RPS6KA2: variants seen among roughly 807,000 people sequenced by gnomAD.
RPS6KA2 encodes the protein ribosomal protein S6 kinase A2, also known as ribosomal protein S6 kinase alpha-2.
RPS6KA2 carries 42 observed loss-of-function variants against 91.8 expected under a neutral mutation model. That is an observed-to-expected ratio of 0.46 (90% CI 0.36 to 0.59). The LOEUF is 0.59. Among genes scored for constraint, RPS6KA2 ranks in the 20% least tolerant of loss-of-function variants. RPS6KA2 has a pLI of 0.00. For synonymous variants in RPS6KA2, 414 were observed against 393.6 expected (o/e 1.05, Z -0.61); for missense variants, 798 against 978.5 (o/e 0.82, Z 2.46).
chr6:166,654,600 T>C (rs1381168307), intron 2 of RPS6KA2, among the ~76,000 whole-genome samples: 9 of 152,232 alleles, frequency 5.9e-5, no homozygotes, highest in Admixed American at 5.9e-4. Context: ...TCACAAAGTT[T>C]TTCACTTATT....
intron 1 of RPS6KA2, among the ~76,000 whole-genome samples, chr6:166,571,677 CT>C (rs5881701): frequency 0.42 from 61,797 of 147,248 alleles, 13,898 homozygotes; most frequent in African/African-American, 0.62. Flanking sequence ...AGGTGAGAGA[CT>C]TTTTTTTTTT....
At position 166,508,192 on chromosome 6, in the gene RPS6KA2, C is replaced by T. The variant is rs754081796; in HGVS notation, c.459+11G>A. Reference sequence around the variant, plus strand: ...CTGCCCGCCCTCCTGTGTGATGTGGCGGCTGCTCACCTCTTTGGAGAGCCG... The same window carrying T: ...CTGCCCGCCCTCCTGTGTGATGTGGTGGCTGCTCACCTCTTTGGAGAGCCG... On this transcript the variant is annotated intron_variant, in intron 5 of 20. Coordinates refer to ENST00000265678, the MANE Select transcript of RPS6KA2 (RefSeq NM_021135.6). The surrounding 1 kb of genome is among the most constrained non-coding windows in gnomAD (Gnocchi z 4.3). 2.3e-5 allele frequency: 37 copies of T among 1,590,814 alleles called. No homozygotes were observed. The highest frequency in any genetic ancestry group is 1.7e-4 in the Middle Eastern group (1 of 6,020).
intron 17 of RPS6KA2, among the ~76,000 whole-genome samples, chr6:166,420,775 G>A (rs796254079): frequency 2.0e-5 from 3 of 152,262 alleles, no homozygotes; most frequent in African/African-American, 7.2e-5. Context: ...TCTGGGCTAC[G>A]TGATAACATT....
Position 166,603,359 on chromosome 6 carries a change from C to G in RPS6KA2, c.99+23562G>C, listed in dbSNP as rs76633559. 0.024 allele frequency among the ~76,000 whole-genome samples: 3,592 copies of G among 152,256 alleles called. 40 individuals are homozygous for G. Among genetic ancestry groups the G allele is most frequent in the Non-Finnish European group, 0.034 (2,327 of 68,022 alleles). On this transcript the variant is annotated intron_variant, in intron 1 of 20. Transcript: ENST00000265678. This position sits in a 1 kb window ranked among gnomAD's most constrained non-coding sequence, Gnocchi z 4.3. ...TAGCATAATTAAACCAGGAACTCAG[C>G]GCAGCCTCAGAGTGCGTGGGGTGGG... is the stretch of plus-strand genomic sequence containing the variant.
chr6:166,830,222 C>A (rs752879868), intron 2 of RPS6KA2, among the ~76,000 whole-genome samples: 14 of 151,702 alleles, frequency 9.2e-5, no homozygotes, highest in African/African-American at 2.2e-4. Flanking sequence ...GAGGACATTA[C>A]GCTAAGTGAA....
Position 166,563,375 on chromosome 6 carries a change from C to G in RPS6KA2, c.100-24591G>C, listed in dbSNP as rs1784399608. 1.3e-5 allele frequency among the ~76,000 whole-genome samples: 2 copies of G among 152,214 alleles called. No homozygotes were observed. The highest frequency in any genetic ancestry group is 2.9e-5 in the Non-Finnish European group (2 of 68,032). The stretch of plus-strand genomic sequence containing the variant: ...AGCTCACCTGTTCCCGGCTTTTCCT[C>G]CCAGTCTCCTGGGCTCGCCGCCAGC... On this transcript the variant is annotated intron_variant, in intron 1 of 20. Transcript: ENST00000265678. The surrounding 1 kb of genome is among the most constrained non-coding windows in gnomAD (Gnocchi z 4.1).
chr6:166,808,638 C>T (rs1196851447), intron 2 of RPS6KA2, among the ~76,000 whole-genome samples: 14 of 152,198 alleles, frequency 9.2e-5, no homozygotes, highest in Admixed American at 8.5e-4. Context: ...AAAAGAACCA[C>T]GTGTTCAGTA....
At chr6:166,699,653 T>C (rs929103726) in intron 2 of RPS6KA2, among the ~76,000 whole-genome samples, 7 of 152,178 alleles carry the variant, frequency 4.6e-5, no homozygotes, top group African/African-American at 1.7e-4. Flanking sequence ...CCCAACACAA[T>C]TGTACATACT....
intron 2 of RPS6KA2, among the ~76,000 whole-genome samples, chr6:166,680,415 C>T (rs1788756263): frequency 1.3e-5 from 2 of 152,170 alleles, no homozygotes; most frequent in Non-Finnish European, 2.9e-5. Flanking sequence ...AAAAGCAGGC[C>T]GCCCCAGCCA....
chr6:166,641,766 T>TAAAAAAAAAAAAAAAAAAAA (rs1787445454), intron 2 of RPS6KA2, among the ~76,000 whole-genome samples: 1 of 61,520 alleles, frequency 1.6e-5, no homozygotes, highest in African/African-American at 5.6e-5. Flanking sequence ...AAAAAAAAAT[T>TAAAAAAAAAAAAAAAAAAAA]CAATAGATCA....
chr6:166,689,257 A>G (rs1448986313), intron 2 of RPS6KA2, among the ~76,000 whole-genome samples: 1 of 152,230 alleles, frequency 6.6e-6, no homozygotes, highest in Non-Finnish European at 1.5e-5. Flanking sequence ...CCAAAAACAG[A>G]ACTCGTGTCT....
chr6:166,735,886 A>G (rs1190962032), intron 2 of RPS6KA2, among the ~76,000 whole-genome samples: 1 of 152,238 alleles, frequency 6.6e-6, no homozygotes. Flanking sequence ...AAACACTACA[A>G]CAGACAGCTC....
chr6:166,783,046 AGGTATTATTATTATTATT>A (rs1400622870), intron 2 of RPS6KA2, among the ~76,000 whole-genome samples: 2,780 of 139,908 alleles, frequency 0.02, 106 homozygotes, highest in African/African-American at 0.071. Context: ...GGTATCTTTT[AGGTATTATTATTATTATT>A]ATTATTATTA....
intron 8 of RPS6KA2, among the ~76,000 whole-genome samples, chr6:166,492,951 G>T (rs889323943): frequency 3.4e-5 from 5 of 149,148 alleles, no homozygotes; most frequent in Middle Eastern, 3.4e-3. Flanking sequence ...AGGCTGAACT[G>T]GAACTCCTGA....
In RPS6KA2 at chr6:166,732,540, C is replaced by T. The variant is rs556144800; in HGVS notation, c.123+125660G>A. Among the ~76,000 whole-genome samples the T allele has an allele frequency of 4.9e-4, 75 of 152,344 alleles. No homozygotes were observed. Among genetic ancestry groups the T allele is most frequent in the African/African-American group, 1.8e-3 (74 of 41,584 alleles). Reference sequence around the variant, plus strand: ...ATCACATGGGCTTGCTATGGGAGTTCACATGATTTGAAAAACAGATGCCCA... The same window carrying T: ...ATCACATGGGCTTGCTATGGGAGTTTACATGATTTGAAAAACAGATGCCCA... On this transcript the variant is annotated intron_variant, in intron 2 of 21. Coordinates refer to the RPS6KA2 transcript ENST00000503859. The surrounding 1 kb of genome is among the most constrained non-coding windows in gnomAD (Gnocchi z 4.0).
intron 10 of RPS6KA2, among the ~76,000 whole-genome samples, chr6:166,471,533 C>T (rs532045557): frequency 6.6e-6 from 1 of 152,376 alleles, no homozygotes; most frequent in Admixed American, 6.5e-5. Context: ...GTGTTATTCA[C>T]ACTTTGACGT....
At chr6:166,773,547 G>A (rs1277161425) in intron 2 of RPS6KA2, among the ~76,000 whole-genome samples, 3 of 151,826 alleles carry the variant, frequency 2.0e-5, no homozygotes, top group African/African-American at 2.4e-5. Context: ...GATTACAGGC[G>A]CCCACCACCA....
intron 2 of RPS6KA2, among the ~76,000 whole-genome samples, chr6:166,778,516 A>C (rs1187296067): frequency 6.6e-6 from 1 of 152,224 alleles, no homozygotes; most frequent in Admixed American, 6.5e-5. Flanking sequence ...CTGTAATCTC[A>C]GCACTTTCGG....
At chr6:166,839,835 G>T (rs1366317454) in intron 2 of RPS6KA2, among the ~76,000 whole-genome samples, 3 of 150,712 alleles carry the variant, frequency 2.0e-5, no homozygotes, top group Non-Finnish European at 4.4e-5. Flanking sequence ...CTGATGCCTG[G>T]ATTTCAGCCC....
Sources: allele counts gnomAD v4.1 joint callset (sites outside exome capture counted in the v4.1 genomes callset), GRCh38; gene constraint gnomAD v4.1.1; non-coding constraint Gnocchi (gnomAD v3.1); transcripts MANE v1.5; gene names NCBI Gene and HGNC (gene_info 2026-07-23, HGNC 2026-07-21).